The following NADK variants were observed in gnomAD, a reference collection of about 807,000 sequenced individuals.
The protein encoded by NADK is NAD kinase, also known as poly(P)/ATP NAD kinase.
Under a neutral mutation model 49.8 loss-of-function variants are expected in NADK, and 22 were observed. The ratio of observed to expected loss-of-function variants is 0.44; its 90% CI spans 0.32 to 0.63. The LOEUF is 0.63. NADK is among the 30% of genes least tolerant of loss of function. The pLI, the probability that NADK is intolerant of heterozygous loss-of-function variation, is 0.06. For missense variants in NADK, 438 were observed against 609.4 expected (o/e 0.72, Z 2.96); for synonymous variants, 268 against 253.7 (o/e 1.06, Z -0.54).
intron 1 of NADK, among the ~76,000 whole-genome samples, chr1:1,768,727 C>G (rs886723285): frequency 3.3e-5 from 5 of 152,198 alleles, no homozygotes; most frequent in Admixed American, 2.6e-4. Context: ...GCCTCCAGAG[C>G]TCTGAGAACA....
rs949842756 is a variant in NADK, at chr1:1,764,786, A to G, written c.179+442T>C. Among the ~76,000 whole-genome samples, 4 of 152,322 alleles carry G rather than the reference A, an allele frequency of 2.6e-5. No individual in the cohort carries two copies. In the East Asian group the frequency reaches 7.7e-4, roughly 29 times the overall value. ...CATGGTGGTGCACGCCTGTAATCCC[A>G]GCTTCTTGGGAGGATGAGGCAGGAG... is the stretch of plus-strand genomic sequence containing the variant. On this transcript the variant is annotated intron_variant, in intron 2 of 11. Coordinates refer to ENST00000341426, the MANE Select transcript of NADK (RefSeq NM_023018.5).
chr1:1,758,467 G>A (rs759430797), intron 3 of NADK: 12 of 1,612,262 alleles, frequency 7.4e-6, no homozygotes, highest in South Asian at 1.1e-5. Context: ...GCCCCTGCCT[G>A]CTGGGAGCCG....
intron 7 of NADK, 33 bp downstream of exon 7, chr1:1,755,341 A>G: frequency 6.7e-7 from 1 of 1,485,766 alleles, no homozygotes; most frequent in Non-Finnish European, 9.4e-7. Flanking sequence ...CCATGATCAG[A>G]GCTCCTGTGG....
Position 1,754,298 on chromosome 1 carries a change from G to A in NADK, c.929C>T (p.Thr310Met), listed in dbSNP as rs1270606632. 3.7e-6 allele frequency: 6 copies of A among 1,613,776 alleles called. No individual in the cohort carries two copies. Among genetic ancestry groups the A allele is most frequent in the East Asian group, 2.2e-5 (1 of 44,878 alleles). The stretch of plus-strand genomic sequence containing the variant: ...GCGGGCCTTACCGTCGCCCTGCACC[G>A]TGGTGATGAGGTGTCCGTCCAGGTA... ...DVYLDGHLIT[T>M]VQGDGVIVST... is the part of the protein sequence containing the mutation. Residue 310 changes from threonine (T) to methionine (M), a missense_variant, in exon 9 of 12, where the codon ACG (threonine) becomes ATG (methionine). Physicochemically the swap from Thr to Met is moderately conservative, Grantham distance 81 (BLOSUM62 -1). Coordinates refer to ENST00000341426, the MANE Select transcript of NADK (RefSeq NM_023018.5). This position sits in a 1 kb window ranked among gnomAD's most constrained non-coding sequence, Gnocchi z 4.3.
chr1:1,764,262 G>C (rs576639319), intron 2 of NADK, among the ~76,000 whole-genome samples: 6 of 152,210 alleles, frequency 3.9e-5, no homozygotes, highest in Non-Finnish European at 8.8e-5. Flanking sequence ...GTTAGGCAGC[G>C]CCGGCTCTGG....
At chr1:1,764,135 G>T (rs876029) in intron 2 of NADK, among the ~76,000 whole-genome samples, 125,117 of 152,136 alleles carry the variant, frequency 0.82, 53,460 homozygotes, top group Non-Finnish European at 0.94. Context: ...GTTTCTCCAC[G>T]GCTGCCACCA....
At position 1,758,055 on chromosome 1, in the gene NADK, C is replaced by A. The variant is rs929756795; in HGVS notation, c.264-745G>T. On this transcript the variant is annotated intron_variant, in intron 3 of 11. Coordinates refer to ENST00000341426, the MANE Select transcript of NADK (RefSeq NM_023018.5). ...ATCCCAGCCCAGAACCGGGAACACACACCACGGAGCCTGCTCCTGTTCCCA... is the reference window on the plus strand; with the variant it reads ...ATCCCAGCCCAGAACCGGGAACACAAACCACGGAGCCTGCTCCTGTTCCCA... 2.6e-5 allele frequency among the ~76,000 whole-genome samples: 4 copies of A among 152,320 alleles called. No individual in the cohort carries two copies. In the East Asian group the frequency reaches 7.7e-4, roughly 29 times the overall value.
intron 1 of NADK, among the ~76,000 whole-genome samples, chr1:1,773,719 T>TGAGAGA (rs1416052430): frequency 1.4e-4 from 19 of 137,250 alleles, no homozygotes; most frequent in African/African-American, 4.2e-4. Context: ...TGTGTGTGTG[T>TGAGAGA]GTGTGTGTGT....
intron 1 of NADK, among the ~76,000 whole-genome samples, chr1:1,773,142 TA>T (rs1202645165): frequency 6.6e-6 from 1 of 151,898 alleles, no homozygotes; most frequent in African/African-American, 2.4e-5. Context: ...AGTCTATGAT[TA>T]TTTTTTTTTT....
chr1:1,763,585 C>T (rs997348229), intron 2 of NADK, among the ~76,000 whole-genome samples: 4 of 147,210 alleles, frequency 2.7e-5, no homozygotes, highest in African/African-American at 1.0e-4. Context: ...CACCACTGCA[C>T]TCCAGCCTGG....
intron 3 of NADK, 29 bp downstream of exon 3, chr1:1,761,923 A>AC (rs765208953): frequency 4.4e-6 from 7 of 1,607,122 alleles, no homozygotes; most frequent in African/African-American, 2.7e-5. Context: ...CCTTCCAAGA[A>AC]CCCCCCGTCC....
Position 1,765,233 on chromosome 1 carries a change from C to T in NADK, c.174G>A (p.Glu58=), listed in dbSNP as rs890584817. The stretch of plus-strand genomic sequence containing the variant: ...ACCATCCCTCCCAGTTGTACCTGAA[C>T]TCCTTGGTGCTCCCCAGGGCGGGCG... The part of the protein sequence containing the change: ...SASPALGSTK[E]FRRTRSLHGP... The change falls in exon 2 of 12, where the codon GAG becomes GAA. Residue 58 remains glutamate, a synonymous_variant. Transcript: ENST00000341426. 1.9e-6 allele frequency: 3 copies of T among 1,592,514 alleles called. No homozygotes were observed. In the African/African-American group the frequency reaches 4.1e-5, roughly 22 times the overall value.
intron 1 of NADK, among the ~76,000 whole-genome samples, chr1:1,771,432 C>G (rs1164800629): frequency 6.6e-6 from 1 of 152,108 alleles, no homozygotes. Flanking sequence ...TCTAGACCAG[C>G]TGAAAAAACT....
At chr1:1,761,751 G>A (rs1040723943) in intron 3 of NADK, 3 of 524,320 alleles carry the variant, frequency 5.7e-6, no homozygotes, top group Non-Finnish European at 1.0e-5. Context: ...GGTTCAGGGA[G>A]GACGCCCATG....
rs1329076477 is a variant in NADK at position 1,771,051 on chromosome 1, A to AT, written c.-40-5606_-40-5605insA. On this transcript the variant is annotated intron_variant, in intron 1 of 11. Coordinates refer to ENST00000341426, the MANE Select transcript of NADK (RefSeq NM_023018.5). ...GTGAGATTTCATCTTATAAAAAAAA[A>AT]AAAAATATATATATATATATATATA... Among the ~76,000 whole-genome samples, 266 of 145,134 alleles carry AT rather than the reference A, an allele frequency of 1.8e-3. 1 individual carries two copies. The highest frequency in any genetic ancestry group is 8.9e-3 in the East Asian group (45 of 5,078).
At chr1:1,779,595 CAGCTTCCCTAGTAGTTGGGACTACAAGT>C (rs1646312778), upstream of NADK, among the ~76,000 whole-genome samples, 1 of 152,106 alleles carries the variant, frequency 6.6e-6, no homozygotes, top group Admixed American at 6.5e-5. Flanking sequence ...CCTTCCACTT[CAGCTTCCCTAGTAGTTGGGACTACAAGT>C]AGGTCCCGCC....
At chr1:1,775,638 G>A (rs753324809) in intron 1 of NADK, among the ~76,000 whole-genome samples, 5 of 152,116 alleles carry the variant, frequency 3.3e-5, no homozygotes, top group Admixed American at 1.3e-4. Flanking sequence ...AGAAAACAGG[G>A]GTCTGGGCAG....
Position 1,771,042 on chromosome 1 carries a change from T to TTA in NADK, c.-40-5597_-40-5596insTA, listed in dbSNP as rs1401265291. 2.2e-3 allele frequency among the ~76,000 whole-genome samples: 285 copies of TTA among 130,484 alleles called. 1 individual carries two copies. Among genetic ancestry groups the TTA allele is most frequent in the African/African-American group, 8.1e-3 (269 of 33,048 alleles). 85.6% of individuals were successfully genotyped at this position (130,484 alleles called of 152,430 possible). A position where few individuals can be genotyped will look rare whatever the true frequency, so the allele number is the denominator to read the frequency against. On this transcript the variant is annotated intron_variant, in intron 1 of 11. Transcript: ENST00000341426. The stretch of plus-strand genomic sequence containing the variant: ...GTAACAAGAGTGAGATTTCATCTTA[T>TTA]AAAAAAAAAAAAAATATATATATAT...
intron 10 of NADK, 127 bp downstream of exon 10, chr1:1,753,923 GC>G: frequency 8.2e-7 from 1 of 1,221,486 alleles, no homozygotes; most frequent in Non-Finnish European, 1.1e-6. Context: ...GCACAGGATG[GC>G]CCTAGGATGA....
Sources: gnomAD v4.1 joint callset for allele counts (sites outside exome capture counted in the v4.1 genomes callset) on GRCh38, gnomAD v4.1.1 for gene constraint, Gnocchi (gnomAD v3.1) non-coding constraint, MANE v1.5 for transcripts, NCBI Gene and HGNC (gene_info 2026-07-23, HGNC 2026-07-21) for gene names.